Variants in CCDC141 observed in about 807,000 individuals in gnomAD.
CCDC141 encodes coiled-coil domain-containing protein 141.
In CCDC141, 168 loss-of-function variants were observed where a neutral mutation model predicts 181.0. The ratio of observed to expected loss-of-function variants is 0.93; its 90% CI spans 0.82 to 1.05. CCDC141 has a LOEUF of 1.05. Ranked by LOEUF, CCDC141 falls within the 50% of genes least tolerant of loss-of-function variation. CCDC141 has a pLI of 0.00. For missense variants in CCDC141, 1,902 were observed against 1,788.5 expected, an observed-to-expected ratio of 1.06 and a Z score of -1.14; for synonymous variants, 666 against 642.3, an observed-to-expected ratio of 1.04 and a Z score of -0.56.
chr2:178,827,820 C>T (rs1684147434), downstream of CCDC141, among the ~76,000 whole-genome samples: 2 of 152,144 alleles, frequency 1.3e-5, no homozygotes, highest in South Asian at 4.1e-4. Flanking sequence ...AAGAGGGTGG[C>T]TTAAAACAAC....
intron 17 of CCDC141, among the ~76,000 whole-genome samples, chr2:178,864,736 G>A (rs1202337630): frequency 6.6e-6 from 1 of 152,190 alleles, no homozygotes; most frequent in East Asian, 1.9e-4. Flanking sequence ...CACCATTAAA[G>A]TTGAGTTATT....
chr2:179,026,046 C>A (rs984084057), intron 2 of CCDC141, among the ~76,000 whole-genome samples: 1 of 152,082 alleles, frequency 6.6e-6, no homozygotes, highest in African/African-American at 2.4e-5. Flanking sequence ...GGAAGCAGAC[C>A]ATAAAAGTTT....
At chr2:178,862,900 T>A (rs1276248578) in intron 17 of CCDC141, among the ~76,000 whole-genome samples, 2 of 152,160 alleles carry the variant, frequency 1.3e-5, no homozygotes, top group African/African-American at 4.8e-5. Flanking sequence ...ACCATGTAAG[T>A]TAGCTACAGC....
intron 5 of CCDC141, among the ~76,000 whole-genome samples, chr2:178,958,346 T>G (rs1448941195): frequency 1.3e-5 from 2 of 152,110 alleles, no homozygotes; most frequent in Non-Finnish European, 2.9e-5. Flanking sequence ...GTCCATTGAT[T>G]GTAAACAAGC....
chr2:178,873,961 C>A (rs1479342150), intron 12 of CCDC141: 2 of 152,062 alleles, frequency 1.3e-5, no homozygotes, highest in Non-Finnish European at 2.9e-5. Flanking sequence ...AGATGTCTGC[C>A]ATAATTTGGG....
chr2:178,817,242 T>G, the CCDC141 span, among the ~76,000 whole-genome samples: 2 of 152,196 alleles, frequency 1.3e-5, no homozygotes, highest in Non-Finnish European at 2.9e-5. Flanking sequence ...GGGCAAAAAC[T>G]TTTGTGTTTA....
At chr2:178,936,999 A>G (rs1017376064) in intron 6 of CCDC141, among the ~76,000 whole-genome samples, 20 of 152,142 alleles carry the variant, frequency 1.3e-4, no homozygotes, top group Admixed American at 3.3e-4. Context: ...GACCGAGACT[A>G]TGGGGTTTTC....
rs187775418 is a variant in CCDC141 at position 178,889,097 on chromosome 2, A to G, written c.1266-429T>C. 1.5e-3 allele frequency among the ~76,000 whole-genome samples: 235 copies of G among 152,302 alleles called. 1 individual carries two copies. The highest frequency in any genetic ancestry group is 5.3e-3 in the African/African-American group (221 of 41,572). On this transcript the variant is annotated intron_variant, in intron 8 of 23. Coordinates refer to ENST00000443758, the MANE Select transcript of CCDC141 (RefSeq NM_173648.4). ...ATTTACTAATCTAATAGGGTAAAATATTTACATAACACTAAGGTCCTTGTT... is the reference window on the plus strand; with the variant it reads ...ATTTACTAATCTAATAGGGTAAAATGTTTACATAACACTAAGGTCCTTGTT...
At position 178,869,101 on chromosome 2, in the gene CCDC141, C is replaced by T. The variant is rs770237645; in HGVS notation, c.2394+16G>A. 6.8e-6 allele frequency: 10 copies of T among 1,471,586 alleles called. No homozygotes were observed. In the East Asian group the frequency reaches 2.5e-4, roughly 36 times the overall value. 91.2% of individuals were successfully genotyped at this position (1,471,586 alleles called of 1,614,324 possible). Reference sequence around the variant, plus strand: ...TTAAAACTCAGGATTTTTCAGACATCCCTTCTAAGCCTTACCTCTTCCTTG... The same window carrying T: ...TTAAAACTCAGGATTTTTCAGACATTCCTTCTAAGCCTTACCTCTTCCTTG... On this transcript the variant is annotated intron_variant, in intron 15 of 23. Coordinates refer to ENST00000443758, the MANE Select transcript of CCDC141 (RefSeq NM_173648.4).
At chr2:178,965,732 C>G (rs1261282904) in intron 4 of CCDC141, among the ~76,000 whole-genome samples, 7 of 152,122 alleles carry the variant, frequency 4.6e-5, no homozygotes, top group Non-Finnish European at 1.5e-5. Context: ...TCTTTTTTTC[C>G]ACACCCCAGG....
Position 178,950,326 on chromosome 2 carries a change from G to A in CCDC141, c.781-5675C>T, listed in dbSNP as rs918984457. On this transcript the variant is annotated intron_variant, in intron 5 of 23. Transcript: ENST00000443758. ...GATTTTGAAGGCATGTTTCCATAGG[G>A]CTTTGGGTTTTTTTTTCTTTTTTTA... Among the ~76,000 whole-genome samples the A allele has an allele frequency of 2.6e-5, 4 of 152,118 alleles. 1 individual carries two copies. In the South Asian group the frequency reaches 8.3e-4, roughly 32 times the overall value.
At chr2:178,918,644 A>G in intron 7 of CCDC141, 69 bp downstream of exon 7, 1 of 1,278,478 alleles carries the variant, frequency 7.8e-7, no homozygotes, top group Non-Finnish European at 1.1e-6. Context: ...TGCTCCAGTC[A>G]GTTGAAGTAA....
In CCDC141 at chr2:178,907,187, A is replaced by G. The variant is rs59829292; in HGVS notation, c.1093-1686T>C. Among the ~76,000 whole-genome samples, 508 of 152,350 alleles carry G rather than the reference A, an allele frequency of 3.3e-3. 3 individuals carry two copies. Among genetic ancestry groups the G allele is most frequent in the African/African-American group, 0.012 (493 of 41,588 alleles). ...TGCACAATTCTTATTCAGTCAATGAATATTGAATGCCTGCTTAGTTCCAGG... is the reference window on the plus strand; with the variant it reads ...TGCACAATTCTTATTCAGTCAATGAGTATTGAATGCCTGCTTAGTTCCAGG... On this transcript the variant is annotated intron_variant, in intron 7 of 23. Coordinates refer to ENST00000443758, the MANE Select transcript of CCDC141 (RefSeq NM_173648.4).
chr2:179,028,304 T>A (rs553610208), intron 2 of CCDC141, among the ~76,000 whole-genome samples: 64 of 152,306 alleles, frequency 4.2e-4, no homozygotes, highest in Non-Finnish European at 6.2e-4. Context: ...TCACTAACAC[T>A]CACACTATAC....
chr2:178,829,272 A>C (rs1684173785), downstream of CCDC141, among the ~76,000 whole-genome samples: 1 of 152,224 alleles, frequency 6.6e-6, no homozygotes, highest in Admixed American at 6.5e-5. Flanking sequence ...TAGGAAGTTA[A>C]TTTTGTGGTA....
intron 17 of CCDC141, 36 bp downstream of exon 17, chr2:178,865,731 T>C (rs980298350): frequency 1.4e-6 from 2 of 1,431,792 alleles, no homozygotes; most frequent in African/African-American, 1.4e-5. Context: ...AACAGCTTTT[T>C]GGCAATGTGC....
intron 2 of CCDC141, among the ~76,000 whole-genome samples, chr2:178,999,770 C>T (rs74361235): frequency 0.052 from 7,918 of 151,934 alleles, 277 homozygotes; most frequent in South Asian, 0.083. Flanking sequence ...CTCTTTCTCC[C>T]GTGACTCACC....
chr2:178,981,687 G>T lies in CCDC141; in HGVS notation c.226-3012C>A, dbSNP rs59505073. Among the ~76,000 whole-genome samples, 88 of 48,640 alleles carry T rather than the reference G, an allele frequency of 1.8e-3. 2 individuals are homozygous for T. Among genetic ancestry groups the T allele is most frequent in the African/African-American group, 3.6e-3 (61 of 16,996 alleles). The allele number at this position is 48,640 out of a possible 152,430, so 31.9% of individuals were successfully genotyped here. A position where few individuals can be genotyped will look rare whatever the true frequency, so the allele number is the denominator to read the frequency against. On this transcript the variant is annotated intron_variant, in intron 2 of 23. Transcript: ENST00000443758. ...ACATATATACATATATATATATAGA[G>T]AGAGAGAGAGAGAGAAAAAAAAACC... is the stretch of plus-strand genomic sequence containing the variant.
At chr2:178,933,753 A>C (rs995613736) in intron 6 of CCDC141, among the ~76,000 whole-genome samples, 1 of 152,150 alleles carries the variant, frequency 6.6e-6, no homozygotes, top group African/African-American at 2.4e-5. Flanking sequence ...ATCTGGTCTC[A>C]AATCCAAATG....
Sources: gnomAD v4.1 joint callset for allele counts (sites outside exome capture counted in the v4.1 genomes callset) on GRCh38, gnomAD v4.1.1 for gene constraint, MANE v1.5 for transcripts, NCBI Gene and HGNC (gene_info 2026-07-23, HGNC 2026-07-21) for gene names.